The following CDH4 variants were observed in gnomAD, a reference collection of about 807,000 sequenced individuals.
CDH4 encodes cadherin-4.
CDH4 carries 33 observed loss-of-function variants against 86.0 expected under a neutral mutation model. The observed-to-expected ratio is 0.38, with a 90% CI of 0.29 to 0.51. The LOEUF is 0.51. Ranked by LOEUF, CDH4 falls within the 20% of genes least tolerant of loss-of-function variation. The pLI, the probability that CDH4 is intolerant of heterozygous loss-of-function variation, is 0.86. For missense variants in CDH4, 1,114 were observed against 1,307.4 expected (o/e 0.85, Z 2.28); for synonymous variants, 555 against 549.4 (o/e 1.01, Z -0.14).
At chr20:61,397,749 G>A (rs973642539) in intron 2 of CDH4, among the ~76,000 whole-genome samples, 2 of 152,126 alleles carry the variant, frequency 1.3e-5, no homozygotes, top group Admixed American at 6.6e-5. Context: ...CTGAGTTATC[G>A]GTGCAAGGTG....
chr20:61,866,156 A>G (rs1241679237), intron 6 of CDH4, among the ~76,000 whole-genome samples: 1 of 151,902 alleles, frequency 6.6e-6, no homozygotes, highest in Non-Finnish European at 1.5e-5. Flanking sequence ...CCTCGGTGCC[A>G]CCCCCTGGCA....
rs1568688382 is a variant in CDH4, at chr20:61,565,204, C to CGGTGCTCTTGGTGATGGTGGTGGTGGTG, written c.170-178358_170-178357insGTGCTCTTGGTGATGGTGGTGGTGGTGG. Among the ~76,000 whole-genome samples the CGGTGCTCTTGGTGATGGTGGTGGTGGTG allele has an allele frequency of 4.0e-5, 2 of 50,284 alleles. 1 individual carries two copies. Among genetic ancestry groups the CGGTGCTCTTGGTGATGGTGGTGGTGGTG allele is most frequent in the Non-Finnish European group, 7.1e-5 (2 of 28,046 alleles). 33.0% of individuals were successfully genotyped at this position (50,284 alleles called of 152,430 possible). ...TGGTGGTGGTCCTCTTGGTGGTGGT[C>CGGTGCTCTTGGTGATGGTGGTGGTGGTG]GCGGTGCTCTCGGTGGTAGGTGGTG... On this transcript the variant is annotated intron_variant, in intron 2 of 15. Coordinates refer to ENST00000614565, the MANE Select transcript of CDH4 (RefSeq NM_001794.5).
intron 2 of CDH4, among the ~76,000 whole-genome samples, chr20:61,484,983 AC>A (rs2085588173): frequency 6.6e-6 from 1 of 152,194 alleles, no homozygotes; most frequent in South Asian, 2.1e-4. Flanking sequence ...ATTGGGATGT[AC>A]CTGTGAATTT....
At chr20:61,500,614 CACAG>C (rs773664785) in intron 2 of CDH4, among the ~76,000 whole-genome samples, 2 of 152,174 alleles carry the variant, frequency 1.3e-5, no homozygotes, top group Non-Finnish European at 2.9e-5. Flanking sequence ...CCTCTCAAGA[CACAG>C]AGAGGAAAAG....
At chr20:61,291,993 C>G (rs1166391163) in intron 2 of CDH4, among the ~76,000 whole-genome samples, 2 of 152,020 alleles carry the variant, frequency 1.3e-5, no homozygotes, top group African/African-American at 4.8e-5. Flanking sequence ...TGAGAACATG[C>G]GGTATTCGGT....
At chr20:61,549,108 C>T (rs1469604371) in intron 2 of CDH4, among the ~76,000 whole-genome samples, 2 of 152,146 alleles carry the variant, frequency 1.3e-5, no homozygotes, top group Non-Finnish European at 2.9e-5. Flanking sequence ...AAACGTGTCT[C>T]ATCTCAGAAG....
chr20:61,412,018 G>A (rs886271038), intron 2 of CDH4, among the ~76,000 whole-genome samples: 1 of 152,188 alleles, frequency 6.6e-6, no homozygotes, highest in African/African-American at 2.4e-5. Flanking sequence ...CTTGAGCCAG[G>A]ATCAAGGCCG....
In CDH4 at chr20:61,271,843, C is replaced by T. The variant is rs1322138011; in HGVS notation, c.169+16906C>T. ...AGGTGTCGCTGAGCTCTCCCCTCAACGTGCCAAGATTCTGTTTTCGGGGAT... is the reference window on the plus strand; with the variant it reads ...AGGTGTCGCTGAGCTCTCCCCTCAATGTGCCAAGATTCTGTTTTCGGGGAT... On this transcript the variant is annotated intron_variant, in intron 2 of 15. Coordinates refer to ENST00000614565, the MANE Select transcript of CDH4 (RefSeq NM_001794.5). Among the ~76,000 whole-genome samples the T allele has an allele frequency of 5.9e-5, 9 of 152,266 alleles. No homozygotes were observed. The South Asian group carries it at 1.9e-3, about 32-fold the overall frequency.
chr20:61,630,092 G>A lies in CDH4; in HGVS notation c.170-113471G>A, dbSNP rs147489993. On this transcript the variant is annotated intron_variant, in intron 2 of 15. Transcript: ENST00000614565. ...AGCATCAGCCCCAGAAGGTGCCGCC[G>A]CTTACAGCCATGAACACAGGATGCA... 4.5e-3 allele frequency among the ~76,000 whole-genome samples: 681 copies of A among 152,268 alleles called. 4 individuals carry two copies. Among genetic ancestry groups the A allele is most frequent in the Non-Finnish European group, 7.3e-3 (497 of 68,010 alleles).
intron 2 of CDH4, among the ~76,000 whole-genome samples, chr20:61,500,347 A>T (rs2085692047): frequency 6.6e-6 from 1 of 152,246 alleles, no homozygotes; most frequent in African/African-American, 2.4e-5. Context: ...CGCGTTCGGA[A>T]TTGCAGCGTG....
intron 3 of CDH4, among the ~76,000 whole-genome samples, chr20:61,751,129 A>C (rs1241619206): frequency 1.3e-5 from 2 of 152,176 alleles, no homozygotes; most frequent in African/African-American, 2.4e-5. Context: ...AAAATTTTTT[A>C]ATGGAAATGG....
At chr20:61,758,667 G>A (rs1422885993) in intron 3 of CDH4, among the ~76,000 whole-genome samples, 1 of 152,222 alleles carries the variant, frequency 6.6e-6, no homozygotes, top group African/African-American at 2.4e-5. Flanking sequence ...CCCATGTACA[G>A]TGACGGTCCC....
intron 2 of CDH4, among the ~76,000 whole-genome samples, chr20:61,621,020 T>A (rs1053312195): frequency 6.6e-6 from 1 of 152,260 alleles, no homozygotes; most frequent in African/African-American, 2.4e-5. Context: ...TGGAGATTTA[T>A]CTGTGTCCAA....
chr20:61,633,158 T>TCATCCACCCATCCATCCACCCATC lies in CDH4; in HGVS notation c.170-110399_170-110376dup, dbSNP rs1359301780. On this transcript the variant is annotated intron_variant, in intron 2 of 15. Transcript: ENST00000614565. ...TGCATCCTCCCATCCATCCACCCAT[T>TCATCCACCCATCCATCCACCCATC]CATCCACCCATCCATCCACCCATCC... 1.9e-4 allele frequency among the ~76,000 whole-genome samples: 25 copies of TCATCCACCCATCCATCCACCCATC among 130,700 alleles called. No homozygotes were observed. In the South Asian group the frequency reaches 4.1e-3, roughly 21 times the overall value. The allele number at this position is 130,700 out of a possible 152,430, so 85.7% of individuals were successfully genotyped here.
chr20:61,841,860 C>T (rs1023986935), intron 4 of CDH4, among the ~76,000 whole-genome samples: 7 of 152,146 alleles, frequency 4.6e-5, no homozygotes, highest in Non-Finnish European at 8.8e-5. Flanking sequence ...ACCCCCATGG[C>T]GCCTTTATGA....
intron 4 of CDH4, among the ~76,000 whole-genome samples, chr20:61,837,793 G>A (rs1054631199): frequency 4.6e-5 from 7 of 152,040 alleles, no homozygotes; most frequent in African/African-American, 1.4e-4. Flanking sequence ...TCCACAATCC[G>A]CCCCAGCCTC....
At chr20:61,524,404 T>C (rs1445513374) in intron 2 of CDH4, among the ~76,000 whole-genome samples, 1 of 152,196 alleles carries the variant, frequency 6.6e-6, no homozygotes, top group Admixed American at 6.5e-5. Flanking sequence ...GCTTGGGTCA[T>C]GATGCATGTC....
At position 61,392,265 on chromosome 20, in the gene CDH4, C is replaced by T. The variant is rs1197830002; in HGVS notation, c.169+137328C>T. ...CTCTGGGCTGGGGAGGGACAGGAAC[C>T]CGAGGCAGATCCTTCCACCAAACGA... On this transcript the variant is annotated intron_variant, in intron 2 of 15. Coordinates refer to ENST00000614565, the MANE Select transcript of CDH4 (RefSeq NM_001794.5). The surrounding 1 kb of genome is among the most constrained non-coding windows in gnomAD (Gnocchi z 5.7). 6.6e-6 allele frequency among the ~76,000 whole-genome samples: 1 copy of T among 151,922 alleles called. No homozygotes were observed. The highest frequency in any genetic ancestry group is 1.5e-5 in the Non-Finnish European group (1 of 68,014).
At chr20:61,344,670 G>T (rs370918407) in intron 2 of CDH4, among the ~76,000 whole-genome samples, 4 of 152,268 alleles carry the variant, frequency 2.6e-5, no homozygotes, top group South Asian at 4.1e-4. Context: ...CATACATGCT[G>T]CCAGTTCCTA....
Sources: allele counts gnomAD v4.1 joint callset (sites outside exome capture counted in the v4.1 genomes callset), GRCh38; gene constraint gnomAD v4.1.1; non-coding constraint Gnocchi (gnomAD v3.1); transcripts MANE v1.5; gene names NCBI Gene and HGNC (gene_info 2026-07-23, HGNC 2026-07-21).